Variants in MAGI1 observed in about 807,000 individuals in gnomAD.
MAGI1 encodes membrane-associated guanylate kinase, WW and PDZ domain-containing protein 1.
A neutral mutation model predicts 139.9 loss-of-function variants in MAGI1; 58 were observed. That is an observed-to-expected ratio of 0.41 (90% CI 0.34 to 0.52). The LOEUF is 0.52. Among genes scored for constraint, MAGI1 ranks in the 20% least tolerant of loss-of-function variants. MAGI1 has a pLI of 0.12. For missense variants in MAGI1, 1,874 were observed against 1,901.6 expected, an observed-to-expected ratio of 0.99 and a Z score of 0.27; for synonymous variants, 812 against 737.9, an observed-to-expected ratio of 1.10 and a Z score of -1.63.
At chr3:65,559,114 T>C (rs562241010) in intron 2 of MAGI1, among the ~76,000 whole-genome samples, 165 of 152,328 alleles carry the variant, frequency 1.1e-3, no homozygotes, top group Non-Finnish European at 2.1e-3. Context: ...TTGGAGTCCA[T>C]TTTCCTCAGT....
At chr3:65,541,018 A>G (rs1245994236) in intron 2 of MAGI1, among the ~76,000 whole-genome samples, 2 of 152,212 alleles carry the variant, frequency 1.3e-5, no homozygotes, top group Admixed American at 6.5e-5. Context: ...AGACATAAAA[A>G]AGTTTGAAAA....
intron 5 of MAGI1, chr3:65,469,791 T>C (rs926069996): frequency 6.6e-6 from 1 of 151,354 alleles, no homozygotes; most frequent in Non-Finnish European, 1.5e-5. Context: ...AGAAAATGCA[T>C]ACAAATCACA....
intron 12 of MAGI1, among the ~76,000 whole-genome samples, chr3:65,411,084 C>T (rs866596984): frequency 2.6e-5 from 4 of 152,178 alleles, no homozygotes; most frequent in Admixed American, 6.5e-5. Context: ...GTACCTACCA[C>T]GAGGTCAATC....
intron 1 of MAGI1, among the ~76,000 whole-genome samples, chr3:65,637,060 C>G (rs1193276971): frequency 1.3e-5 from 2 of 152,200 alleles, no homozygotes; most frequent in African/African-American, 4.8e-5. Flanking sequence ...TCTGGACATT[C>G]AGCCTCCCTG....
chr3:65,790,829 C>T (rs1209360201), intron 1 of MAGI1, among the ~76,000 whole-genome samples: 2 of 152,166 alleles, frequency 1.3e-5, no homozygotes, highest in African/African-American at 4.8e-5. Flanking sequence ...AATCCCAGCA[C>T]TTTGGGAGGC....
chr3:65,740,520 A>G (rs2035170586), intron 1 of MAGI1, among the ~76,000 whole-genome samples: 1 of 152,208 alleles, frequency 6.6e-6, no homozygotes, highest in Admixed American at 6.5e-5. Context: ...GGGAAGGTGA[A>G]CAGGGCAGTG....
intron 1 of MAGI1, among the ~76,000 whole-genome samples, chr3:65,921,076 T>G (rs1322428268): frequency 6.6e-6 from 1 of 152,048 alleles, no homozygotes; most frequent in Non-Finnish European, 1.5e-5. Context: ...TAGTTACAAT[T>G]GACGCTACTG....
At position 65,785,543 on chromosome 3, in the gene MAGI1, T is replaced by C. The variant is rs968917679; in HGVS notation, c.314-163455A>G. 3.9e-5 allele frequency among the ~76,000 whole-genome samples: 6 copies of C among 152,248 alleles called. No homozygotes were observed. The South Asian group carries it at 8.3e-4, about 21-fold the overall frequency. ...TCACTTCTTGTCATACAAGAGGTTA[T>C]ACAAACTTATTTGTTTAGGATAAAA... On this transcript the variant is annotated intron_variant, in intron 1 of 22. Coordinates refer to ENST00000402939, the MANE Select transcript of MAGI1 (RefSeq NM_001033057.2).
chr3:65,402,764 CAG>C (rs1945015133), intron 12 of MAGI1, among the ~76,000 whole-genome samples: 1 of 152,118 alleles, frequency 6.6e-6, no homozygotes, highest in South Asian at 2.1e-4. Context: ...GATGAGCCGG[CAG>C]AGTGCCCACT....
At chr3:65,699,534 A>C (rs1308533348) in intron 1 of MAGI1, among the ~76,000 whole-genome samples, 1 of 143,390 alleles carries the variant, frequency 7.0e-6, no homozygotes, top group East Asian at 2.1e-4. Flanking sequence ...ACACCATGGA[A>C]TACTATGCAG....
intron 1 of MAGI1, among the ~76,000 whole-genome samples, chr3:65,774,441 T>C (rs1286909384): frequency 6.6e-6 from 1 of 152,186 alleles, no homozygotes; most frequent in Non-Finnish European, 1.5e-5. Flanking sequence ...AGTCCATGTT[T>C]GTTATATATT....
intron 2 of MAGI1, among the ~76,000 whole-genome samples, chr3:65,592,013 C>A (rs1209206931): frequency 1.3e-5 from 2 of 152,198 alleles, no homozygotes; most frequent in East Asian, 1.9e-4. Context: ...AAATGATTCA[C>A]TCAACTATTA....
chr3:65,515,469 C>G (rs933064874), intron 2 of MAGI1, among the ~76,000 whole-genome samples: 6 of 152,078 alleles, frequency 3.9e-5, no homozygotes, highest in African/African-American at 1.4e-4. Context: ...TAACTAATGT[C>G]AATGAATGAC....
intron 2 of MAGI1, among the ~76,000 whole-genome samples, chr3:65,526,350 T>C (rs1190366118): frequency 6.6e-6 from 1 of 152,148 alleles, no homozygotes; most frequent in Non-Finnish European, 1.5e-5. Context: ...TGATTGTATT[T>C]CATTTGAAAT....
intron 1 of MAGI1, among the ~76,000 whole-genome samples, chr3:66,016,553 C>A (rs553091435): frequency 1.2e-4 from 19 of 152,282 alleles, no homozygotes; most frequent in African/African-American, 4.3e-4. Flanking sequence ...TCTACTCTGG[C>A]AATATGTGCC....
intron 2 of MAGI1, among the ~76,000 whole-genome samples, chr3:65,562,827 T>C (rs2080425134): frequency 6.6e-6 from 1 of 152,238 alleles, no homozygotes; most frequent in Non-Finnish European, 1.5e-5. Context: ...TATAAAATTA[T>C]TCATATGTAT....
chr3:65,494,280 C>G (rs889823209), intron 2 of MAGI1, among the ~76,000 whole-genome samples: 1 of 152,190 alleles, frequency 6.6e-6, no homozygotes, highest in Non-Finnish European at 1.5e-5. Context: ...CTAGAAAATT[C>G]TCCCCCTGCA....
In MAGI1 at chr3:65,431,604, AC is replaced by A. The variant is rs200102292; in HGVS notation, c.1364-724del. Among the ~76,000 whole-genome samples the A allele has an allele frequency of 3.2e-4, 49 of 151,250 alleles. No individual in the cohort carries two copies. In the South Asian group the frequency reaches 4.4e-3, roughly 14 times the overall value. ...ACAAACCAAAAAAACAAACAAAGAA[AC>A]CCCCCCCACAACACACACACACAAA... On this transcript the variant is annotated intron_variant, in intron 10 of 22. Transcript: ENST00000402939.
intron 1 of MAGI1, among the ~76,000 whole-genome samples, chr3:65,811,881 T>A (rs1448719150): frequency 6.6e-6 from 1 of 152,002 alleles, no homozygotes; most frequent in African/African-American, 2.4e-5. Flanking sequence ...ATAAATAACA[T>A]GTATAATCTA....
Sources: gnomAD v4.1 joint callset for allele counts (sites outside exome capture counted in the v4.1 genomes callset) on GRCh38, gnomAD v4.1.1 for gene constraint, MANE v1.5 for transcripts, NCBI Gene and HGNC (gene_info 2026-07-23, HGNC 2026-07-21) for gene names.